The following NXPE2 variants were observed in gnomAD, a reference collection of about 807,000 sequenced individuals.
NXPE2 encodes the protein NXPE family member 2.
In NXPE2, 34 loss-of-function variants were observed where a neutral mutation model predicts 34.4. The observed-to-expected ratio is 0.99, with a 90% CI of 0.75 to 1.31. The LOEUF (loss-of-function observed/expected upper bound fraction) is 1.31, where lower values mean the gene tolerates loss of function less well. Ranked by LOEUF, NXPE2 falls within the 40% of genes most tolerant of loss-of-function variation. The pLI is 0.00. For missense variants in NXPE2, 649 were observed against 672.5 expected, an observed-to-expected ratio of 0.97 and a Z score of 0.39; for synonymous variants, 235 against 231.3, an observed-to-expected ratio of 1.02 and a Z score of -0.15.
the NXPE2 span, among the ~76,000 whole-genome samples, chr11:114,769,299 A>T: frequency 2.5e-5 from 3 of 121,940 alleles, no homozygotes; most frequent in African/African-American, 9.9e-5. Flanking sequence ...ATCATTAAGA[A>T]GTCAGGAAAC....
At chr11:114,587,498 A>T in the NXPE2 span, among the ~76,000 whole-genome samples, 3 of 152,366 alleles carry the variant, frequency 2.0e-5, no homozygotes, top group Admixed American at 2.0e-4. Context: ...TGCAGATCAC[A>T]CAAGTCTAGA....
the NXPE2 span, among the ~76,000 whole-genome samples, chr11:114,648,853 T>C: frequency 6.6e-6 from 1 of 152,180 alleles, no homozygotes; most frequent in African/African-American, 2.4e-5. Context: ...TTGTATACCA[T>C]AGTCAAAATG....
the NXPE2 span, among the ~76,000 whole-genome samples, chr11:114,504,146 T>A: frequency 6.6e-6 from 1 of 152,002 alleles, no homozygotes; most frequent in Non-Finnish European, 1.5e-5. Context: ...CAGGGGTGGG[T>A]TTTGCTTCAT....
chr11:114,767,855 G>T, the NXPE2 span, among the ~76,000 whole-genome samples: 1 of 152,130 alleles, frequency 6.6e-6, no homozygotes, highest in South Asian at 2.1e-4. Context: ...ATGATGTAGT[G>T]TAGTGGTTAC....
chr11:114,752,120 G>A, the NXPE2 span, among the ~76,000 whole-genome samples: 1 of 152,236 alleles, frequency 6.6e-6, no homozygotes, highest in Non-Finnish European at 1.5e-5. Flanking sequence ...ACATTTGAAG[G>A]AAGCACTGAG....
At chr11:114,691,029 G>A (rs571628780) in intron 2 of NXPE2, among the ~76,000 whole-genome samples, 3 of 151,856 alleles carry the variant, frequency 2.0e-5, no homozygotes, top group Non-Finnish European at 2.9e-5. Context: ...TTTGAATCTT[G>A]TTGAGTTTCC....
the NXPE2 span, among the ~76,000 whole-genome samples, chr11:114,651,618 C>A: frequency 6.6e-6 from 1 of 152,096 alleles, no homozygotes. Context: ...GTCCATTTTA[C>A]AGAGCACTGA....
chr11:114,587,113 G>C, the NXPE2 span, among the ~76,000 whole-genome samples: 1 of 152,098 alleles, frequency 6.6e-6, no homozygotes, highest in Non-Finnish European at 1.5e-5. Context: ...CCTAATTCTC[G>C]CTTTTTTTGC....
chr11:114,734,595 G>A, the NXPE2 span, among the ~76,000 whole-genome samples: 3 of 152,042 alleles, frequency 2.0e-5, no homozygotes, highest in African/African-American at 7.2e-5. Context: ...GAAAGCTATG[G>A]CTATCAACAG....
At chr11:114,703,846 A>C (rs1235749615) in intron 3 of NXPE2, 145 bp from the exon 4 acceptor site, 2 of 636,312 alleles carry the variant, frequency 3.1e-6, no homozygotes, top group Non-Finnish European at 5.5e-6. Context: ...ATCCTGACCC[A>C]TTAACTTCCC....
At chr11:114,628,287 A>C in the NXPE2 span, among the ~76,000 whole-genome samples, 3 of 151,352 alleles carry the variant, frequency 2.0e-5, no homozygotes, top group Non-Finnish European at 2.9e-5. Flanking sequence ...TCTCCTCAGA[A>C]AATGTAAAAG....
the NXPE2 span, among the ~76,000 whole-genome samples, chr11:114,628,576 C>G: frequency 8.0e-5 from 12 of 149,550 alleles, no homozygotes; most frequent in African/African-American, 1.2e-4. Context: ...CAGGAAAGAT[C>G]CAAAATTGAC....
the NXPE2 span, chr11:114,527,875 T>A: frequency 1.2e-6 from 2 of 1,605,090 alleles, no homozygotes; most frequent in Non-Finnish European, 1.7e-6. Flanking sequence ...TTTACGATCC[T>A]TCATCATTTC....
chr11:114,781,738 C>T, the NXPE2 span, among the ~76,000 whole-genome samples: 1 of 152,064 alleles, frequency 6.6e-6, no homozygotes, highest in Non-Finnish European at 1.5e-5. Flanking sequence ...AATAATGGTC[C>T]ATGTCAGCCC....
chr11:114,528,620 A>C, the NXPE2 span, among the ~76,000 whole-genome samples: 1 of 152,170 alleles, frequency 6.6e-6, no homozygotes, highest in Non-Finnish European at 1.5e-5. Context: ...TGTGTTAATA[A>C]ATGTACCTTA....
chr11:114,734,240 TA>T, the NXPE2 span, among the ~76,000 whole-genome samples: 8 of 152,018 alleles, frequency 5.3e-5, no homozygotes, highest in Admixed American at 2.6e-4. Flanking sequence ...TGTATTTTGC[TA>T]AAAAAAATCC....
chr11:114,595,314 A>G, the NXPE2 span, among the ~76,000 whole-genome samples: 1 of 152,212 alleles, frequency 6.6e-6, no homozygotes, highest in South Asian at 2.1e-4. Context: ...TTACTTAAAA[A>G]AATTTCAGGC....
rs987210728 is a variant in NXPE2 at position 114,691,734 on chromosome 11, T to C, written c.133-6311T>C. Among the ~76,000 whole-genome samples the C allele has an allele frequency of 3.3e-5, 5 of 152,338 alleles. No individual in the cohort carries two copies. The East Asian group carries it at 9.7e-4, about 29-fold the overall frequency. On this transcript the variant is annotated intron_variant, in intron 2 of 5. Transcript: ENST00000389586. ...ATGCCACCTTCAGTAGTTGGTGCCA[T>C]GCTTGCATTTTCTTTGACCCAAGGG... is the stretch of plus-strand genomic sequence containing the variant.
At chr11:114,716,185 G>A in the NXPE2 span, among the ~76,000 whole-genome samples, 11 of 152,192 alleles carry the variant, frequency 7.2e-5, no homozygotes, top group Non-Finnish European at 1.0e-4. Flanking sequence ...CAATGGTGCC[G>A]TTGGAAGAAC....
Sources: allele counts gnomAD v4.1 joint callset (sites outside exome capture counted in the v4.1 genomes callset), GRCh38; gene constraint gnomAD v4.1.1; transcripts MANE v1.5; gene names NCBI Gene and HGNC (gene_info 2026-07-23, HGNC 2026-07-21).